FOXK2: variants seen among roughly 807,000 people sequenced by gnomAD.
FOXK2 encodes the protein forkhead box K2, also known as forkhead box protein K2.
A neutral mutation model predicts 53.3 loss-of-function variants in FOXK2; 24 were observed. That is an observed-to-expected ratio of 0.45 (90% CI 0.33 to 0.63). The LOEUF (loss-of-function observed/expected upper bound fraction) is 0.63, where lower values mean the gene tolerates loss of function less well. Ranked by LOEUF, FOXK2 falls within the 30% of genes least tolerant of loss-of-function variation. The pLI, the probability that FOXK2 is intolerant of heterozygous loss-of-function variation, is 0.03. For missense variants in FOXK2, 952 were observed against 910.5 expected, an observed-to-expected ratio of 1.05 and a Z score of -0.59; for synonymous variants, 505 against 407.1, an observed-to-expected ratio of 1.24 and a Z score of -2.89.
At chr17:82,522,437 C>T (rs71376507) in intron 1 of FOXK2, among the ~76,000 whole-genome samples, 1 of 149,646 alleles carries the variant, frequency 6.7e-6, no homozygotes, top group Non-Finnish European at 1.5e-5. Flanking sequence ...GGCGCAATCT[C>T]GGCTCACTGC....
intron 4 of FOXK2, among the ~76,000 whole-genome samples, chr17:82,573,290 G>C (rs1598219708): frequency 6.6e-6 from 1 of 152,012 alleles, no homozygotes; most frequent in East Asian, 1.9e-4. Context: ...ATGAGACCCA[G>C]CCTCCCCTCT....
rs1182367591 is a variant in FOXK2, at chr17:82,582,943, AAAG to A, written c.1103+15_1103+17del. ...GGACCGCTCTCTTCTAGGTAAGGAA[AAAG>A]AAGAACAAAAGGCCTCACTTCGTGC... On this transcript the variant is annotated intron_variant, in intron 5 of 8. Transcript: ENST00000335255. The A allele has an allele frequency of 1.3e-6, 2 of 1,532,312 alleles. No homozygotes were observed. Among genetic ancestry groups the A allele is most frequent in the Middle Eastern group, 2.2e-4 (1 of 4,488 alleles). The allele number at this position is 1,532,312 out of a possible 1,614,324, so 94.9% of individuals were successfully genotyped here. A position where few individuals can be genotyped will look rare whatever the true frequency, so the allele number is the denominator to read the frequency against.
intron 1 of FOXK2, among the ~76,000 whole-genome samples, chr17:82,553,530 A>G (rs1376347575): frequency 6.6e-6 from 1 of 152,216 alleles, no homozygotes; most frequent in East Asian, 1.9e-4. Flanking sequence ...GGCTTTTGTT[A>G]TGCAGGTTCC....
chr17:82,599,467 G>C (rs1598243610), intron 8 of FOXK2: 1 of 152,336 alleles, frequency 6.6e-6, no homozygotes, highest in East Asian at 1.9e-4. Context: ...GAGGTGGAAA[G>C]GAGAAGGGAA....
chr17:82,574,274 G>A (rs2044955899), intron 4 of FOXK2, among the ~76,000 whole-genome samples: 1 of 151,800 alleles, frequency 6.6e-6, no homozygotes, highest in Non-Finnish European at 1.5e-5. Context: ...GCGGGAGAGG[G>A]ATTAGTTTCT....
intron 6 of FOXK2, among the ~76,000 whole-genome samples, chr17:82,584,965 G>A (rs1444354298): frequency 6.6e-6 from 1 of 152,258 alleles, no homozygotes; most frequent in African/African-American, 2.4e-5. Flanking sequence ...GTGGAAATGT[G>A]TCCAAACTGT....
At chr17:82,599,586 T>C (rs1417360796) in intron 8 of FOXK2, 1 of 152,264 alleles carries the variant, frequency 6.6e-6, no homozygotes, top group Non-Finnish European at 1.5e-5. Context: ...CTCTCACGGC[T>C]GACCCGATGT....
intron 1 of FOXK2, among the ~76,000 whole-genome samples, chr17:82,523,010 G>A (rs1258824353): frequency 6.6e-6 from 1 of 152,052 alleles, no homozygotes; most frequent in South Asian, 2.1e-4. Context: ...GGCCAGGATG[G>A]TCTTGATCTC....
At position 82,585,558 on chromosome 17, in the gene FOXK2, C is replaced by T. The variant is rs569469052; in HGVS notation, c.1280-346C>T. 4.6e-3 allele frequency among the ~76,000 whole-genome samples: 700 copies of T among 152,262 alleles called. 3 individuals are homozygous for T. Among genetic ancestry groups the T allele is most frequent in the Non-Finnish European group, 7.0e-3 (478 of 68,010 alleles). ...CTCAAACTCCTCCCACCTCAGCCTC[C>T]CAAAGTGCTGGGATTACAGGCGTGA... On this transcript the variant is annotated intron_variant, in intron 6 of 8. Transcript: ENST00000335255.
intron 1 of FOXK2, among the ~76,000 whole-genome samples, chr17:82,559,748 A>G (rs949707320): frequency 6.8e-6 from 1 of 148,094 alleles, no homozygotes; most frequent in Middle Eastern, 3.7e-3. Flanking sequence ...TCTCAGATAC[A>G]TGGCAGGTGA....
intron 6 of FOXK2, chr17:82,585,108 A>T (rs2045117984): frequency 6.6e-6 from 1 of 152,188 alleles, no homozygotes; most frequent in Non-Finnish European, 1.5e-5. Context: ...CTAAGCCCCC[A>T]AACCATGGCA....
At chr17:82,546,674 C>T (rs1214419278) in intron 1 of FOXK2, among the ~76,000 whole-genome samples, 4 of 151,684 alleles carry the variant, frequency 2.6e-5, no homozygotes, top group Admixed American at 2.6e-4. Context: ...CACCATGTTG[C>T]CCAGGCTGGT....
chr17:82,548,041 G>C (rs1303254035), intron 1 of FOXK2, among the ~76,000 whole-genome samples: 1 of 152,210 alleles, frequency 6.6e-6, no homozygotes, highest in East Asian at 1.9e-4. Flanking sequence ...ACGGCTGACT[G>C]TCTAGACAGT....
intron 1 of FOXK2, among the ~76,000 whole-genome samples, chr17:82,523,299 G>A (rs2044385121): frequency 6.6e-6 from 1 of 152,082 alleles, no homozygotes; most frequent in South Asian, 2.1e-4. Flanking sequence ...TTCACAGAGG[G>A]GAGTTTAGCA....
intron 1 of FOXK2, among the ~76,000 whole-genome samples, chr17:82,558,276 T>A (rs2144105553): frequency 6.6e-6 from 1 of 152,296 alleles, no homozygotes; most frequent in Middle Eastern, 3.4e-3. Flanking sequence ...AAGTTGAGGC[T>A]GCAGTGAGCT....
chr17:82,583,864 A>T, intron 5 of FOXK2, 149 bp from the exon 6 acceptor site: 1 of 768,582 alleles, frequency 1.3e-6, no homozygotes, highest in Non-Finnish European at 2.0e-6. Flanking sequence ...TCACAGGCGT[A>T]GGCGTGCAGA....
chr17:82,564,073 T>A (rs1414173727), intron 2 of FOXK2, among the ~76,000 whole-genome samples: 2 of 148,818 alleles, frequency 1.3e-5, no homozygotes, highest in Admixed American at 6.8e-5. Flanking sequence ...CTTTAAAAGA[T>A]GTTTTTAAAG....
At chr17:82,572,066 G>A (rs2044924788) in intron 4 of FOXK2, 196 bp downstream of exon 4, 1 of 475,688 alleles carries the variant, frequency 2.1e-6, no homozygotes, top group South Asian at 4.7e-5. Flanking sequence ...GCAGAAGGAA[G>A]CGTGGTTCTG....
rs114671055 is a variant in FOXK2 at position 82,553,668 on chromosome 17, C to T, written c.420-9686C>T. Reference sequence around the variant, plus strand: ...CACAGGCGTGGCTGCGAAGAGGCCCCTAGACCTTGGGATGTGTGCTGAGCC... The same window carrying T: ...CACAGGCGTGGCTGCGAAGAGGCCCTTAGACCTTGGGATGTGTGCTGAGCC... On this transcript the variant is annotated intron_variant, in intron 1 of 8. Coordinates refer to ENST00000335255, the MANE Select transcript of FOXK2 (RefSeq NM_004514.4). 3.6e-4 allele frequency among the ~76,000 whole-genome samples: 55 copies of T among 152,294 alleles called. 1 individual carries two copies. Among genetic ancestry groups the T allele is most frequent in the African/African-American group, 1.3e-3 (54 of 41,560 alleles).
Sources: gnomAD v4.1 joint callset for allele counts (sites outside exome capture counted in the v4.1 genomes callset) on GRCh38, gnomAD v4.1.1 for gene constraint, MANE v1.5 for transcripts, NCBI Gene and HGNC (gene_info 2026-07-23, HGNC 2026-07-21) for gene names.